The following TXLNG variants were observed in gnomAD, a reference collection of about 807,000 sequenced individuals.
TXLNG encodes taxilin gamma.
Under a neutral mutation model 38.8 loss-of-function variants are expected in TXLNG, and 5 were observed. The ratio of observed to expected loss-of-function variants is 0.13; its 90% CI spans 0.07 to 0.27. The LOEUF (loss-of-function observed/expected upper bound fraction) is 0.27, where lower values mean the gene tolerates loss of function less well. TXLNG is among the 10% of genes least tolerant of loss of function. The pLI is 1.00. For missense variants in TXLNG, 393 were observed against 398.2 expected, an observed-to-expected ratio of 0.99 and a Z score of 0.11; for synonymous variants, 182 against 158.2, an observed-to-expected ratio of 1.15 and a Z score of -1.13.
In TXLNG at chrX:16,803,999, A is replaced by T. The variant is rs1437429337; in HGVS notation, c.103-14575A>T. Among the ~76,000 whole-genome samples, 13 of 111,447 alleles carry T rather than the reference A, an allele frequency of 1.2e-4. No individual in the cohort carries two copies. The Admixed American group carries it at 1.2e-3, about 11-fold the overall frequency. On this transcript the variant is annotated intron_variant, in intron 1 of 9. Coordinates refer to ENST00000380122, the MANE Select transcript of TXLNG (RefSeq NM_018360.3). ...AAATATTCCAATAAAGGATCATTTG[A>T]CAGCCAAAAAGTAAAATAAATTAAG...
chrX:16,818,745 A>C lies in TXLNG; in HGVS notation c.274A>C (p.Asn92His). Residue 92 changes from asparagine to histidine, a missense_variant, in exon 2 of 10, where the codon AAC (asparagine) becomes CAC (histidine). Coordinates refer to ENST00000380122, the MANE Select transcript of TXLNG (RefSeq NM_018360.3). ...EDEGSDFITE[N>H]RNLVSPAYCT... ...TGAAGGCAGTGACTTTATAACAGAG[A>C]ACAGGAATTTGGTGAGCCCAGCATA... 1 of 1,212,123 alleles carries C rather than the reference A, an allele frequency of 8.2e-7. No individual in the cohort carries two copies. The highest frequency in any genetic ancestry group is 1.1e-6 in the Non-Finnish European group (1 of 895,634).
rs73630570 is a variant in TXLNG, at chrX:16,841,773, G to A, written c.*7G>A. On this transcript the variant is annotated 3_prime_UTR_variant, in exon 10 of 10. Coordinates refer to ENST00000380122, the MANE Select transcript of TXLNG (RefSeq NM_018360.3). ...CATCGAGTCGGTTGACTAAGATGAG[G>A]TGTGATCACTGTATTGAGAGATATA... 3.9e-5 allele frequency: 47 copies of A among 1,198,433 alleles called. No homozygotes were observed. The African/African-American group carries it at 6.7e-4, about 17-fold the overall frequency.
intron 1 of TXLNG, among the ~76,000 whole-genome samples, chrX:16,789,138 G>T (rs760093028): frequency 9.0e-6 from 1 of 111,527 alleles, no homozygotes; most frequent in African/African-American, 3.3e-5. Context: ...AATATTGAAA[G>T]AATTAAAAGA....
intron 1 of TXLNG, among the ~76,000 whole-genome samples, chrX:16,812,596 G>GT (rs1025770631): frequency 9.8e-6 from 1 of 102,249 alleles, no homozygotes; most frequent in African/African-American, 3.6e-5. Context: ...GTTTCACCAT[G>GT]TTGGCTAGGC....
rs980907792 is a variant in TXLNG, at chrX:16,786,607, C to T, written c.102+18C>T. 3.9e-6 allele frequency: 4 copies of T among 1,030,980 alleles called. No homozygotes were observed. The highest frequency in any genetic ancestry group is 2.6e-5 in the South Asian group (1 of 38,779). The allele number at this position is 1,030,980 out of a possible 1,213,427, so 85.0% of individuals were successfully genotyped here. On this transcript the variant is annotated intron_variant, in intron 1 of 9. Coordinates refer to ENST00000380122, the MANE Select transcript of TXLNG (RefSeq NM_018360.3). Reference sequence around the variant, plus strand: ...GGCAGAAGGTCAGTCAGGGGGACGCCCTCGTTGTTGTCGGGCCCGGGGGAT... The same window carrying T: ...GGCAGAAGGTCAGTCAGGGGGACGCTCTCGTTGTTGTCGGGCCCGGGGGAT...
intron 1 of TXLNG, among the ~76,000 whole-genome samples, chrX:16,786,955 C>T (rs1927512183): frequency 8.9e-6 from 1 of 112,250 alleles, no homozygotes; most frequent in Admixed American, 9.3e-5. Flanking sequence ...CAGTCACCGC[C>T]GTCACCGTGC....
intron 9 of TXLNG, among the ~76,000 whole-genome samples, chrX:16,840,775 AAAC>A (rs760367762): frequency 8.9e-6 from 1 of 111,749 alleles, no homozygotes; most frequent in African/African-American, 3.3e-5. Flanking sequence ...GTCTCAAAAA[AAAC>A]AACAAACTTC....
At chrX:16,800,603 C>T (rs1367885629) in intron 1 of TXLNG, among the ~76,000 whole-genome samples, 2 of 98,418 alleles carry the variant, frequency 2.0e-5, no homozygotes, top group African/African-American at 7.6e-5. Flanking sequence ...CTCACTCTGT[C>T]GCCCAGGCTG....
chrX:16,811,048 AT>A (rs1928496282), intron 1 of TXLNG, among the ~76,000 whole-genome samples: 1 of 111,750 alleles, frequency 8.9e-6, no homozygotes, highest in South Asian at 3.7e-4. Context: ...TTCAACAGCC[AT>A]TTTTGCCTCT....
chrX:16,804,985 CT>C (rs35314233), intron 1 of TXLNG, among the ~76,000 whole-genome samples: 255 of 2,103 alleles, frequency 0.12, 6 homozygotes, highest in South Asian at 0.25. Flanking sequence ...CCCCCCCCCG[CT>C]TTTTTTTTTT....
rs1386775627 is a variant in TXLNG, at chrX:16,786,497, C to G, written c.10C>G (p.Arg4Gly). 5 of 1,113,890 alleles carry G rather than the reference C, an allele frequency of 4.5e-6. No homozygotes were observed. The highest frequency in any genetic ancestry group is 3.5e-6 in the Non-Finnish European group (3 of 849,823). The allele number at this position is 1,113,890 out of a possible 1,213,427, so 91.8% of individuals were successfully genotyped here. ...CTGCTGCCGTCACCTCATGGCGACG[C>G]GGGTAGAGGAGGCAGCGCGGGGAAG... MAT[R>G]VEEAARGRGG... The change falls in exon 1 of 10, where the codon CGG becomes GGG. Residue 4 changes from arginine to glycine, a missense_variant. Arg to Gly is a moderately radical substitution (Grantham distance 125). Coordinates refer to ENST00000380122, the MANE Select transcript of TXLNG (RefSeq NM_018360.3).
chrX:16,811,270 T>G (rs771651923), intron 1 of TXLNG, among the ~76,000 whole-genome samples: 1 of 112,339 alleles, frequency 8.9e-6, no homozygotes, highest in African/African-American at 3.2e-5. Context: ...ATGTGGTGTT[T>G]GTGCACTATA....
chrX:16,835,491 A>T (rs1929557033), intron 7 of TXLNG, among the ~76,000 whole-genome samples: 1 of 111,906 alleles, frequency 8.9e-6, no homozygotes, highest in Admixed American at 9.5e-5. Flanking sequence ...TCAGTTGTCC[A>T]TGTAAATAGA....
Sources: gnomAD v4.1 joint callset for allele counts (sites outside exome capture counted in the v4.1 genomes callset) on GRCh38, gnomAD v4.1.1 for gene constraint, MANE v1.5 for transcripts, NCBI Gene and HGNC (gene_info 2026-07-23, HGNC 2026-07-21) for gene names.